Variants in NCAM1 observed in about 807,000 individuals in gnomAD.
The protein encoded by NCAM1 is neural cell adhesion molecule 1.
Under a neutral mutation model 109.8 loss-of-function variants are expected in NCAM1, and 14 were observed. The observed-to-expected ratio is 0.13, with a 90% CI of 0.08 to 0.20. NCAM1 has a LOEUF of 0.20. Among genes scored for constraint, NCAM1 ranks in the 10% least tolerant of loss-of-function variants. The pLI, the probability that NCAM1 is intolerant of heterozygous loss-of-function variation, is 1.00. For missense variants in NCAM1, 774 were observed against 1,109.9 expected (o/e 0.70, Z 4.30); for synonymous variants, 418 against 442.9 (o/e 0.94, Z 0.70).
chr11:113,274,601 A>C lies in NCAM1; in HGVS notation c.2457-666A>C, dbSNP rs1019957351. On this transcript the variant is annotated intron_variant, in intron 19 of 19. Transcript: ENST00000316851. This position sits in a 1 kb window ranked among gnomAD's most constrained non-coding sequence, Gnocchi z 4.1. ...GCCCTGAATCTCAGCATCGGGAGGGAAAAGGACTCTGATAGCCCTGCCCAC... is the reference window on the plus strand; with the variant it reads ...GCCCTGAATCTCAGCATCGGGAGGGCAAAGGACTCTGATAGCCCTGCCCAC... Among the ~76,000 whole-genome samples, 37 of 152,152 alleles carry C rather than the reference A, an allele frequency of 2.4e-4. No individual in the cohort carries two copies. The highest frequency in any genetic ancestry group is 5.0e-4 in the Non-Finnish European group (34 of 68,016).
chr11:113,272,010 G>A, intron 19 of NCAM1, 134 bp downstream of exon 19: 1 of 607,444 alleles, frequency 1.6e-6, no homozygotes, highest in Non-Finnish European at 2.8e-6. Flanking sequence ...CAAACCCTTG[G>A]CCACAAGACC....
chr11:113,133,862 T>C (rs1941499873), intron 1 of NCAM1: 1 of 152,212 alleles, frequency 6.6e-6, no homozygotes, highest in East Asian at 1.9e-4. Flanking sequence ...GTTCATTAAA[T>C]ATGTGTCATG....
At chr11:113,275,151 CG>C in intron 19 of NCAM1, 115 bp from the exon 20 acceptor site, 1 of 1,361,014 alleles carries the variant, frequency 7.3e-7, no homozygotes, top group East Asian at 2.5e-5. Flanking sequence ...AGGTTGGAGC[CG>C]GGTGCTGTCA....
At chr11:113,138,399 A>AGGCCTGGGGAGCCACAGTGT (rs1941689463) in intron 1 of NCAM1, among the ~76,000 whole-genome samples, 1 of 152,244 alleles carries the variant, frequency 6.6e-6, no homozygotes, top group African/African-American at 2.4e-5. Context: ...CTGTCATCTC[A>AGGCCTGGGGAGCCACAGTGT]GGCCTGGGGA....
intron 17 of NCAM1, among the ~76,000 whole-genome samples, chr11:113,261,248 G>T (rs1476814421): frequency 6.6e-6 from 1 of 151,896 alleles, no homozygotes; most frequent in Admixed American, 6.6e-5. Flanking sequence ...CGGTGGTCAT[G>T]ATTCCTCCTC....
intron 1 of NCAM1, among the ~76,000 whole-genome samples, chr11:113,020,094 C>T (rs561619739): frequency 2.0e-5 from 3 of 152,342 alleles, no homozygotes; most frequent in African/African-American, 7.2e-5. Flanking sequence ...GACAGCCATG[C>T]AGTCCTCATC....
intron 1 of NCAM1, among the ~76,000 whole-genome samples, chr11:113,030,915 A>C (rs1555078237): frequency 6.6e-6 from 1 of 152,196 alleles, no homozygotes; most frequent in African/African-American, 2.4e-5. Flanking sequence ...CCCCTTATGT[A>C]TGAAACCTTT....
At chr11:113,250,809 G>A (rs1468706540) in intron 15 of NCAM1, among the ~76,000 whole-genome samples, 1 of 152,120 alleles carries the variant, frequency 6.6e-6, no homozygotes, top group Non-Finnish European at 1.5e-5. Flanking sequence ...GTTTTGTTTT[G>A]TTTCTTTTGA....
intron 8 of NCAM1, among the ~76,000 whole-genome samples, chr11:113,220,598 C>CTTTTTTTTTTTT (rs1565508438): frequency 5.7e-5 from 6 of 105,646 alleles, no homozygotes; most frequent in South Asian, 2.6e-4. Context: ...CTCTCTCTCT[C>CTTTTTTTTTTTT]TCTCTTTTTT....
chr11:113,017,140 T>A (rs192878099), intron 1 of NCAM1, among the ~76,000 whole-genome samples: 4 of 152,158 alleles, frequency 2.6e-5, no homozygotes, highest in Non-Finnish European at 5.9e-5. Context: ...GCAGTTTCCA[T>A]GAGGTAGAAG....
intron 1 of NCAM1, among the ~76,000 whole-genome samples, chr11:113,159,887 T>G (rs1942542542): frequency 7.8e-6 from 1 of 127,454 alleles, no homozygotes; most frequent in Admixed American, 9.8e-5. Context: ...CCCTGGTGTG[T>G]GATGTTATTA....
chr11:113,168,425 C>A (rs1173374402), intron 1 of NCAM1, among the ~76,000 whole-genome samples: 2 of 152,184 alleles, frequency 1.3e-5, no homozygotes, highest in Non-Finnish European at 1.5e-5. Flanking sequence ...TCCCTGCTAG[C>A]TTGCACGGTC....
intron 1 of NCAM1, among the ~76,000 whole-genome samples, chr11:113,036,891 T>C (rs782091283): frequency 1.3e-4 from 20 of 152,130 alleles, no homozygotes; most frequent in Non-Finnish European, 8.8e-5. Context: ...CCTGGCCCAG[T>C]CTTTTTTCTA....
chr11:113,085,280 GT>G (rs1280788008), intron 1 of NCAM1, among the ~76,000 whole-genome samples: 3 of 152,176 alleles, frequency 2.0e-5, no homozygotes, highest in African/African-American at 7.2e-5. Context: ...ACCCGTTATT[GT>G]TTTAGTACTA....
At chr11:113,157,986 A>C (rs1555103764) in intron 1 of NCAM1, among the ~76,000 whole-genome samples, 1 of 152,178 alleles carries the variant, frequency 6.6e-6, no homozygotes, top group African/African-American at 2.4e-5. Flanking sequence ...ACATTTGACA[A>C]GCAGAAGTTC....
At chr11:113,133,292 A>G (rs899792098) in intron 1 of NCAM1, 6 of 152,182 alleles carry the variant, frequency 3.9e-5, no homozygotes, top group Admixed American at 2.6e-4. Flanking sequence ...TCTTTGTGTG[A>G]TAGATGTTAT....
At chr11:113,232,087 C>T in intron 10 of NCAM1, 83 bp from the exon 11 acceptor site, 1 of 1,355,420 alleles carries the variant, frequency 7.4e-7, no homozygotes, top group Non-Finnish European at 1.0e-6. Context: ...TGGAGCACAC[C>T]TGCCTTCCCA....
chr11:113,082,349 T>C (rs1555087391), intron 1 of NCAM1, among the ~76,000 whole-genome samples: 1 of 152,232 alleles, frequency 6.6e-6, no homozygotes, highest in East Asian at 1.9e-4. Flanking sequence ...GTGTATCTCC[T>C]GAGATGCAGA....
At chr11:113,094,055 G>A (rs960160020) in intron 1 of NCAM1, among the ~76,000 whole-genome samples, 1 of 152,096 alleles carries the variant, frequency 6.6e-6, no homozygotes, top group Admixed American at 6.6e-5. Context: ...GCAGATAAGT[G>A]GTATCATGCT....
Sources: allele counts gnomAD v4.1 joint callset (sites outside exome capture counted in the v4.1 genomes callset), GRCh38; gene constraint gnomAD v4.1.1; non-coding constraint Gnocchi (gnomAD v3.1); transcripts MANE v1.5; gene names NCBI Gene and HGNC (gene_info 2026-07-23, HGNC 2026-07-21).